TRRAP: variants seen among roughly 807,000 people sequenced by gnomAD.
The protein encoded by TRRAP is transformation/transcription domain-associated protein.
A neutral mutation model predicts 438.8 loss-of-function variants in TRRAP; 41 were observed. The ratio of observed to expected loss-of-function variants is 0.09; its 90% CI spans 0.07 to 0.12. The LOEUF (loss-of-function observed/expected upper bound fraction) is 0.12. TRRAP is among the 10% of genes least tolerant of loss of function. TRRAP has a pLI of 1.00. For synonymous variants in TRRAP, 1,994 were observed against 1,962.9 expected, an observed-to-expected ratio of 1.02 and a Z score of -0.42; for missense variants, 3,122 against 5,055.1, an observed-to-expected ratio of 0.62 and a Z score of 11.60.
At chr7:98,992,630 A>G (rs1793480917) in intron 65 of TRRAP, among the ~76,000 whole-genome samples, 1 of 152,052 alleles carries the variant, frequency 6.6e-6, no homozygotes, top group Non-Finnish European at 1.5e-5. Context: ...AAGAATCAGC[A>G]TTGAAGTCAG....
At position 98,956,550 on chromosome 7, in the gene TRRAP, C is replaced by A. The variant is rs371337459; in HGVS notation, c.6231+17C>A. The A allele has an allele frequency of 9.9e-6, 16 of 1,608,816 alleles. No homozygotes were observed. The South Asian group carries it at 1.8e-4, about 18-fold the overall frequency. On this transcript the variant is annotated intron_variant, in intron 43 of 72. Coordinates refer to ENST00000456197, the MANE Select transcript of TRRAP (RefSeq NM_001375524.1). The surrounding 1 kb of genome is among the most constrained non-coding windows in gnomAD (Gnocchi z 4.5). ...ATCAGTGCAGTAAGATCATGTGCCT[C>A]TGTATGGGTGCTGCGCATTCTGCTG...
chr7:98,960,193 AC>A lies in TRRAP; in HGVS notation c.6489+705del, dbSNP rs1791824106. Among the ~76,000 whole-genome samples, 5 of 152,332 alleles carry A rather than the reference AC, an allele frequency of 3.3e-5. No homozygotes were observed. In the South Asian group the frequency reaches 1.0e-3, roughly 32 times the overall value. The stretch of plus-strand genomic sequence containing the variant: ...ATGGAGCTATAATTTGTTATCAAGT[AC>A]CATGTAGCACTTAGGTAACAAGGAG... On this transcript the variant is annotated intron_variant, in intron 45 of 72. Coordinates refer to ENST00000456197, the MANE Select transcript of TRRAP (RefSeq NM_001375524.1).
chr7:98,944,379 A>G (rs1790945635), intron 31 of TRRAP, among the ~76,000 whole-genome samples: 1 of 152,222 alleles, frequency 6.6e-6, no homozygotes, highest in Non-Finnish European at 1.5e-5. Flanking sequence ...AAAATATTTC[A>G]TAAAAGTTAG....
In TRRAP at chr7:98,965,698, A is replaced by G; in HGVS notation, c.6979A>G (p.Thr2327Ala). Reference sequence around the variant, plus strand: ...TTGTTCTTAATTGGGGCGAGCAGGTACAAGCGAGCTGGTGATGCTGAGTCT... The same window carrying G: ...TTGTTCTTAATTGGGGCGAGCAGGTGCAAGCGAGCTGGTGATGCTGAGTCT... The part of the protein sequence containing the change: ...ASGSTEATSG[T>A]SELVMLSLEL... The change falls in exon 49 of 73, where the codon ACA becomes GCA. Residue 2327 changes from threonine (T) to alanine (A), a missense_variant and splice_region_variant. This residue lies in a region of TRRAP where 992 missense variants were observed against 1,281.2 expected (regional missense o/e 0.77). Transcript: ENST00000456197. 6.2e-7 allele frequency: 1 copy of G among 1,614,062 alleles called. No homozygotes were observed. The highest frequency in any genetic ancestry group is 8.5e-7 in the Non-Finnish European group (1 of 1,180,040).
intron 23 of TRRAP, among the ~76,000 whole-genome samples, chr7:98,928,373 G>A (rs1790151167): frequency 6.6e-6 from 1 of 152,178 alleles, no homozygotes; most frequent in Non-Finnish European, 1.5e-5. Context: ...GAGTAGCACT[G>A]CCCAGTTGGT....
At chr7:98,901,878 A>G (rs549052314) in intron 11 of TRRAP, among the ~76,000 whole-genome samples, 2 of 152,358 alleles carry the variant, frequency 1.3e-5, no homozygotes, top group South Asian at 2.1e-4. Flanking sequence ...TATGTATCAT[A>G]AAGTTCCCCC....
Position 98,942,951 on chromosome 7 carries a change from A to G in TRRAP, c.4407A>G (p.Gln1469=). ...CTCAGGATGTGTTTTTCCAACAGCA[A>G]CATCTGCGCAAGTGGATGGAAGTGG... is the stretch of plus-strand genomic sequence containing the variant. ...FNDKFCDQMM[Q]HLRKWMEVVV... The change falls in exon 31 of 73, where the codon CAA becomes CAG. Residue 1469 remains glutamine, a splice_region_variant and synonymous_variant. Coordinates refer to ENST00000456197, the MANE Select transcript of TRRAP (RefSeq NM_001375524.1). The G allele has an allele frequency of 1.9e-6, 3 of 1,614,158 alleles. No individual in the cohort carries two copies. Among genetic ancestry groups the G allele is most frequent in the Non-Finnish European group, 2.5e-6 (3 of 1,180,030 alleles).
At chr7:98,974,940 A>T (rs1792584212) in intron 53 of TRRAP, among the ~76,000 whole-genome samples, 1 of 152,198 alleles carries the variant, frequency 6.6e-6, no homozygotes, top group African/African-American at 2.4e-5. Flanking sequence ...TAGGGTGTAT[A>T]GAATTGTGTC....
At chr7:98,934,651 G>A (rs1226973608) in intron 27 of TRRAP, among the ~76,000 whole-genome samples, 1 of 152,184 alleles carries the variant, frequency 6.6e-6, no homozygotes, top group Non-Finnish European at 1.5e-5. Flanking sequence ...TGGAGATTCA[G>A]GTTCAGTCCA....
rs539300285 is a variant in TRRAP, at chr7:99,011,818, G to C, written c.11338-253G>C. Among the ~76,000 whole-genome samples the C allele has an allele frequency of 1.7e-4, 26 of 152,360 alleles. 1 individual carries two copies. Among genetic ancestry groups the C allele is most frequent in the African/African-American group, 6.0e-4 (25 of 41,590 alleles). On this transcript the variant is annotated intron_variant, in intron 72 of 72. Transcript: ENST00000456197. The surrounding 1 kb of genome is among the most constrained non-coding windows in gnomAD (Gnocchi z 7.1). The stretch of plus-strand genomic sequence containing the variant: ...ATTGGGCCTCAGTCGCAGCATGGCT[G>C]CCTTTGTCATCTAGGTCCGCGCTGC...
At position 98,897,861 on chromosome 7, in the gene TRRAP, C is replaced by G. The variant is rs1777523443; in HGVS notation, c.628C>G (p.Arg210Gly). 6.2e-7 allele frequency: 1 copy of G among 1,613,872 alleles called. No individual in the cohort carries two copies. Among genetic ancestry groups the G allele is most frequent in the African/African-American group, 1.3e-5 (1 of 74,868 alleles). Residue 210 changes from arginine (R) to glycine (G), a missense_variant, in exon 8 of 73, where the codon CGA becomes GGA. By Grantham distance (125) the Arg-to-Gly change is moderately radical. Coordinates refer to ENST00000456197, the MANE Select transcript of TRRAP (RefSeq NM_001375524.1). ...CCCGGAGCGTGAGGACAGTGAGACT[C>G]GAACAGTAAGTGTTTCGCTGAGTTA... ...VNPEREDSET[R>G]THSIIPRGSL... is the part of the protein sequence containing the mutation.
chr7:98,925,934 A>G (rs1236252936), intron 22 of TRRAP, among the ~76,000 whole-genome samples: 1 of 152,240 alleles, frequency 6.6e-6, no homozygotes. Flanking sequence ...AATGGAAGGC[A>G]GAAATAGACC....
At chr7:98,943,164 G>T in intron 31 of TRRAP, 147 bp downstream of exon 31, 1 of 737,462 alleles carries the variant, frequency 1.4e-6, no homozygotes, top group South Asian at 2.1e-5. Flanking sequence ...ACATTTGATT[G>T]GTATTCTGTT....
At chr7:98,898,727 G>A (rs1796337324) in intron 8 of TRRAP, among the ~76,000 whole-genome samples, 1 of 152,048 alleles carries the variant, frequency 6.6e-6, no homozygotes, top group Non-Finnish European at 1.5e-5. Context: ...AGCATTTTCT[G>A]TTTATAAATA....
At chr7:98,953,566 T>G (rs1791445139) in intron 40 of TRRAP, 133 bp downstream of exon 40, 2 of 1,317,670 alleles carry the variant, frequency 1.5e-6, no homozygotes, top group African/African-American at 3.0e-5. Context: ...ACACAGACAC[T>G]GTATGATTCC....
chr7:98,900,562 T>C lies in TRRAP; in HGVS notation c.801-62T>C. 3 of 1,419,748 alleles carry C rather than the reference T, an allele frequency of 2.1e-6. No homozygotes were observed. The South Asian group carries it at 3.8e-5, about 18-fold the overall frequency. The allele number at this position is 1,419,748 out of a possible 1,614,324, so 87.9% of individuals were successfully genotyped here. On this transcript the variant is annotated intron_variant, in intron 10 of 72. Coordinates refer to ENST00000456197, the MANE Select transcript of TRRAP (RefSeq NM_001375524.1). ...TTGGGTTTAGTAATGGTTACAGGCT[T>C]TTAATTAATACTAACATCACTCATA...
chr7:98,924,981 G>A (rs1172919249), intron 21 of TRRAP, 131 bp from the exon 22 acceptor site: 1 of 1,286,448 alleles, frequency 7.8e-7, no homozygotes, highest in Non-Finnish European at 1.0e-6. Context: ...CTCCAGCCCA[G>A]GCGACAGAGC....
At chr7:98,966,248 G>C (rs971923389) in intron 49 of TRRAP, among the ~76,000 whole-genome samples, 1 of 152,064 alleles carries the variant, frequency 6.6e-6, no homozygotes, top group Non-Finnish European at 1.5e-5. Context: ...GGAGCTTGCG[G>C]TGAGCTGAGA....
chr7:98,982,490 C>G (rs1315465906), intron 59 of TRRAP, among the ~76,000 whole-genome samples: 3 of 152,166 alleles, frequency 2.0e-5, no homozygotes, highest in Non-Finnish European at 4.4e-5. Context: ...AGCATTGAAC[C>G]TGAGACAGCG....
Sources: allele counts gnomAD v4.1 joint callset (sites outside exome capture counted in the v4.1 genomes callset), GRCh38; gene constraint gnomAD v4.1.1; regional missense constraint gnomAD v4.1.1; non-coding constraint Gnocchi (gnomAD v3.1); transcripts MANE v1.5; gene names NCBI Gene and HGNC (gene_info 2026-07-23, HGNC 2026-07-21).